The following AZIN2 variants were observed in gnomAD, a reference collection of about 807,000 sequenced individuals.
AZIN2 encodes the protein antizyme inhibitor 2.
In AZIN2, 28 loss-of-function variants were observed where a neutral mutation model predicts 47.8. The observed-to-expected ratio is 0.59, with a 90% CI of 0.43 to 0.80. The LOEUF is 0.80. AZIN2 is among the 30% of genes least tolerant of loss of function. The pLI is 0.00. For synonymous variants in AZIN2, 221 were observed against 239.4 expected (o/e 0.92, Z 0.71); for missense variants, 535 against 582.5 (o/e 0.92, Z 0.84).
At position 33,092,173 on chromosome 1, in the gene AZIN2, G is replaced by A; in HGVS notation, c.403G>A (p.Asp135Asn). 6.2e-7 allele frequency: 1 copy of A among 1,614,188 alleles called. No homozygotes were observed. Residue 135 changes from aspartate (D) to asparagine (N), a missense_variant, in exon 6 of 12, where the codon GAC (aspartate) becomes AAC (asparagine). By Grantham distance (23) the Asp-to-Asn change is conservative. This residue lies in a region of AZIN2 where 409 missense variants were observed against 429.0 expected (regional missense o/e 0.95). Coordinates refer to ENST00000294517, the MANE Select transcript of AZIN2 (RefSeq NM_052998.4). ...AKHGIQLLSF[D>N]NEMELAKVVK... ...GCATGGGATCCAGCTGCTGAGCTTTGACAATGAGATGGAGCTGGCAAAGGT... is the reference window on the plus strand; with the variant it reads ...GCATGGGATCCAGCTGCTGAGCTTTAACAATGAGATGGAGCTGGCAAAGGT...
Position 33,122,193 on chromosome 1 carries a change from C to T in AZIN2, c.*2011C>T, listed in dbSNP as rs1281739741. On this transcript the variant is annotated 3_prime_UTR_variant, in exon 12 of 12. Coordinates refer to ENST00000294517, the MANE Select transcript of AZIN2 (RefSeq NM_052998.4). Reference sequence around the variant, plus strand: ...GTTTTCTGCTGGAACCAGGCATCTGCTGTGAAAAGCGCAGGAATCCTGGGA... The same window carrying T: ...GTTTTCTGCTGGAACCAGGCATCTGTTGTGAAAAGCGCAGGAATCCTGGGA... 2.0e-5 allele frequency among the ~76,000 whole-genome samples: 3 copies of T among 152,184 alleles called. No homozygotes were observed. Among genetic ancestry groups the T allele is most frequent in the African/African-American group, 7.2e-5 (3 of 41,458 alleles).
the AZIN2 span, among the ~76,000 whole-genome samples, chr1:33,135,568 C>T: frequency 2.6e-4 from 40 of 152,296 alleles, no homozygotes; most frequent in African/African-American, 9.4e-4. Context: ...CATTGCTTTG[C>T]CCTTGGTCTC....
Position 33,120,049 on chromosome 1 carries a change from C to A in AZIN2, c.1250C>A (p.Ala417Glu). 6.2e-7 allele frequency: 1 copy of A among 1,613,842 alleles called. No homozygotes were observed. The highest frequency in any genetic ancestry group is 8.5e-7 in the Non-Finnish European group (1 of 1,179,948). ...CACCCCTCTCTCACCCCTAGGGAAG[C>A]GCTGCGAAGGCAGCTGATGGCTGCA... ...TYAMSRVAWE[A>E]LRRQLMAAEQ... Residue 417 changes from alanine (A) to glutamate (E), a missense_variant, in exon 12 of 12, where the codon GCG becomes GAG. This residue lies in a region of AZIN2 where 122 missense variants were observed against 135.8 expected (regional missense o/e 0.90). Transcript: ENST00000294517.
the AZIN2 span, among the ~76,000 whole-genome samples, chr1:33,140,568 C>G: frequency 1.3e-5 from 2 of 152,178 alleles, no homozygotes; most frequent in African/African-American, 4.8e-5. The surrounding 1 kb of genome is among the most constrained non-coding windows in gnomAD (Gnocchi z 4.0). Context: ...ACATTCAAAC[C>G]ACCTGATATC....
At chr1:33,156,087 GA>G in the AZIN2 span, among the ~76,000 whole-genome samples, 1 of 152,204 alleles carries the variant, frequency 6.6e-6, no homozygotes, top group Admixed American at 6.5e-5. Flanking sequence ...GCTCCCAGCA[GA>G]AGCTGGCTCT....
chr1:33,133,374 C>T, the AZIN2 span, among the ~76,000 whole-genome samples: 1 of 152,178 alleles, frequency 6.6e-6, no homozygotes, highest in Non-Finnish European at 1.5e-5. Flanking sequence ...TCTGATAGGG[C>T]CTTTCCTGGG....
the AZIN2 span, among the ~76,000 whole-genome samples, chr1:33,138,223 G>T: frequency 6.6e-6 from 1 of 152,178 alleles, no homozygotes; most frequent in Admixed American, 6.5e-5. Context: ...GGAAAAGTAG[G>T]CTTCTAAGGT....
Position 33,120,165 on chromosome 1 carries a change from C to T in AZIN2, c.1366C>T (p.Pro456Ser), listed in dbSNP as rs1230766705. ...DTLCVGPVFTPASIM is the reference protein window; with the variant it reads ...DTLCVGPVFTSASIM ...CCTGTGCGTGGGCCCTGTCTTCACC[C>T]CAGCGAGCATCATGTGAGTGGGCCT... is the stretch of plus-strand genomic sequence containing the variant. Residue 456 changes from proline (P) to serine (S), a missense_variant, in exon 12 of 12, where the codon CCA (proline) becomes TCA (serine). Physicochemically the swap from Pro to Ser is moderately conservative, Grantham distance 74. Transcript: ENST00000294517. 7.5e-6 allele frequency: 12 copies of T among 1,608,948 alleles called. No individual in the cohort carries two copies. Among genetic ancestry groups the T allele is most frequent in the Non-Finnish European group, 1.0e-5 (12 of 1,176,074 alleles).
intron 5 of AZIN2, among the ~76,000 whole-genome samples, chr1:33,091,114 GCTTGCGTAT>G (rs1380136427): frequency 6.6e-5 from 10 of 152,326 alleles, no homozygotes; most frequent in African/African-American, 2.4e-4. Context: ...CACTTAGGTG[GCTTGCGTAT>G]CTTGGCGATT....
At chr1:33,166,760 A>T in the AZIN2 span, among the ~76,000 whole-genome samples, 1 of 152,142 alleles carries the variant, frequency 6.6e-6, no homozygotes, top group Non-Finnish European at 1.5e-5. Context: ...AACACACAAG[A>T]TATCAAAATT....
rs755402463 is a variant in AZIN2, at chr1:33,083,810, C to T, written c.106-144C>T. ...AGGAGTTTGCCTTCTGCCCTGTAGG[C>T]TTGGGGAGGCCCAGAAAACTTAGCA... On this transcript the variant is annotated intron_variant, in intron 4 of 11. Coordinates refer to ENST00000294517, the MANE Select transcript of AZIN2 (RefSeq NM_052998.4). The T allele has an allele frequency of 2.9e-5, 27 of 921,334 alleles. No individual in the cohort carries two copies. The Middle Eastern group carries it at 1.2e-3, about 40-fold the overall frequency. 57.1% of individuals were successfully genotyped at this position (921,334 alleles called of 1,614,324 possible).
At chr1:33,164,268 T>C in the AZIN2 span, 1 of 152,320 alleles carries the variant, frequency 6.6e-6, no homozygotes, top group African/African-American at 2.4e-5. Flanking sequence ...GGGGCATAGA[T>C]CTGGGTTTCC....
intron 10 of AZIN2, among the ~76,000 whole-genome samples, chr1:33,100,704 T>C (rs1301177592): frequency 6.6e-6 from 1 of 152,172 alleles, no homozygotes; most frequent in African/African-American, 2.4e-5. Context: ...ACTTAAAAAA[T>C]CACAATTCCA....
At chr1:33,087,308 T>C (rs984021775) in intron 5 of AZIN2, among the ~76,000 whole-genome samples, 2 of 151,936 alleles carry the variant, frequency 1.3e-5, no homozygotes, top group African/African-American at 2.4e-5. Context: ...TAATTTTGTA[T>C]TTTTAATAGA....
rs1641300413 is a variant in AZIN2 at position 33,081,883 on chromosome 1, C to A, written c.-73+71C>A. The A allele has an allele frequency of 3.8e-6, 1 of 266,278 alleles. No homozygotes were observed. The highest frequency in any genetic ancestry group is 5.1e-5 in the Admixed American group (1 of 19,770). The allele number at this position is 266,278 out of a possible 1,614,324, so 16.5% of individuals were successfully genotyped here. A position where few individuals can be genotyped will look rare whatever the true frequency, so the allele number is the denominator to read the frequency against. ...AAGTTTCTCAGATTTTCTGTTCCAT[C>A]TCTCTCTCACTCTTTCCTGAAATCC... On this transcript the variant is annotated intron_variant, in intron 3 of 11. Transcript: ENST00000294517. This position sits in a 1 kb window ranked among gnomAD's most constrained non-coding sequence, Gnocchi z 4.2.
At chr1:33,102,625 C>G (rs958553371) in intron 10 of AZIN2, among the ~76,000 whole-genome samples, 1 of 152,164 alleles carries the variant, frequency 6.6e-6, no homozygotes, top group African/African-American at 2.4e-5. Flanking sequence ...CTCCTGCTCA[C>G]CCTTTAAGTG....
intron 5 of AZIN2, among the ~76,000 whole-genome samples, chr1:33,089,340 G>A (rs1210282530): frequency 6.6e-6 from 1 of 152,302 alleles, no homozygotes; most frequent in East Asian, 1.9e-4. Flanking sequence ...GCTCACAGCT[G>A]TAATCCCAGC....
chr1:33,099,372 T>C (rs935871202), intron 10 of AZIN2, among the ~76,000 whole-genome samples: 1 of 152,044 alleles, frequency 6.6e-6, no homozygotes, highest in African/African-American at 2.4e-5. Context: ...CTGGTCAGAG[T>C]AGGCCTCCCC....
At chr1:33,150,595 G>C in the AZIN2 span, among the ~76,000 whole-genome samples, 2 of 152,220 alleles carry the variant, frequency 1.3e-5, no homozygotes, top group African/African-American at 4.8e-5. Flanking sequence ...CATAGAAGAC[G>C]GGGAACCAAG....
Sources: gnomAD v4.1 joint callset for allele counts (sites outside exome capture counted in the v4.1 genomes callset) on GRCh38, gnomAD v4.1.1 for gene constraint, gnomAD v4.1.1 regional missense constraint, Gnocchi (gnomAD v3.1) non-coding constraint, MANE v1.5 for transcripts, NCBI Gene and HGNC (gene_info 2026-07-23, HGNC 2026-07-21) for gene names.